Variants in SYNPR observed in about 807,000 individuals in gnomAD.
SYNPR encodes synaptoporin.
SYNPR carries 23 observed loss-of-function variants against 32.9 expected under a neutral mutation model. The observed-to-expected ratio is 0.70, with a 90% CI of 0.50 to 0.99. The LOEUF (loss-of-function observed/expected upper bound fraction) is 0.99, where lower values mean the gene tolerates loss of function less well. Ranked by LOEUF, SYNPR falls within the 50% of genes least tolerant of loss-of-function variation. The pLI is 0.00. For missense variants in SYNPR, 318 were observed against 349.3 expected, an observed-to-expected ratio of 0.91 and a Z score of 0.71; for synonymous variants, 146 against 135.9, an observed-to-expected ratio of 1.07 and a Z score of -0.52.
At chr3:63,443,159 G>A in intron 2 of SYNPR, 1 of 1,181,168 alleles carries the variant, frequency 8.5e-7, no homozygotes, top group Admixed American at 4.0e-5. Context: ...CCACCAAGCA[G>A]GCAGCGTTCA....
intron 2 of SYNPR, among the ~76,000 whole-genome samples, chr3:63,254,813 A>G (rs1455792841): frequency 1.3e-5 from 2 of 152,204 alleles, no homozygotes; most frequent in Non-Finnish European, 2.9e-5. Flanking sequence ...TATAATTTAC[A>G]TATAATTAAG....
intron 2 of SYNPR, among the ~76,000 whole-genome samples, chr3:63,266,600 G>C (rs9868077): frequency 6.6e-6 from 1 of 151,320 alleles, no homozygotes; most frequent in East Asian, 1.9e-4. Context: ...CCAGCTACTC[G>C]GGAAGCTGAG....
At chr3:63,261,770 C>G (rs921356915) in intron 2 of SYNPR, among the ~76,000 whole-genome samples, 1 of 144,346 alleles carries the variant, frequency 6.9e-6, no homozygotes, top group Admixed American at 7.0e-5. Context: ...AGCAAACTAT[C>G]GCAAGGACAA....
intron 2 of SYNPR, among the ~76,000 whole-genome samples, chr3:63,371,393 C>T (rs148238421): frequency 1.2e-3 from 188 of 152,314 alleles, no homozygotes; most frequent in Middle Eastern, 6.8e-3. Context: ...CTCCCTTGCA[C>T]GTCTCCGGGA....
At position 63,467,309 on chromosome 3, in the gene SYNPR, T is replaced by G. The variant is rs546655923; in HGVS notation, c.85-13523T>G. ...CTTTGGTCACCTGCCAGTAGTGTTC[T>G]TAAAGAATGAGCAAGATACAGGATT... On this transcript the variant is annotated intron_variant, in intron 2 of 5. Coordinates refer to ENST00000478300, the MANE Select transcript of SYNPR (RefSeq NM_001130003.2). Among the ~76,000 whole-genome samples the G allele has an allele frequency of 3.3e-5, 5 of 152,348 alleles. No individual in the cohort carries two copies. The East Asian group carries it at 9.6e-4, about 29-fold the overall frequency.
intron 4 of SYNPR, among the ~76,000 whole-genome samples, chr3:63,598,840 C>T (rs1227060669): frequency 6.6e-6 from 1 of 152,154 alleles, no homozygotes; most frequent in Non-Finnish European, 1.5e-5. Context: ...GATAACCTAG[C>T]AGTAAATGTT....
intron 3 of SYNPR, among the ~76,000 whole-genome samples, chr3:63,519,370 A>G (rs1701863027): frequency 6.6e-6 from 1 of 152,204 alleles, no homozygotes; most frequent in Non-Finnish European, 1.5e-5. Flanking sequence ...AATAATAGTG[A>G]CCTTATAGGA....
At chr3:63,242,136 T>A (rs1469161571) in intron 1 of SYNPR, among the ~76,000 whole-genome samples, 1 of 152,086 alleles carries the variant, frequency 6.6e-6, no homozygotes, top group Non-Finnish European at 1.5e-5. Context: ...AAATAAAAGA[T>A]AATGTGAATT....
intron 1 of SYNPR, among the ~76,000 whole-genome samples, chr3:63,251,735 G>A (rs936955148): frequency 1.3e-4 from 19 of 151,932 alleles, no homozygotes; most frequent in African/African-American, 4.6e-4. Context: ...GGACCAGATA[G>A]GACAATACAC....
Position 63,404,350 on chromosome 3 carries a change from A to G in SYNPR, c.85-76482A>G, listed in dbSNP as rs183133388. On this transcript the variant is annotated intron_variant, in intron 2 of 5. Coordinates refer to ENST00000478300, the MANE Select transcript of SYNPR (RefSeq NM_001130003.2). ...AGTGAATAGAATTATAGTGAAATAG[A>G]TTTCTTAACAAAGAACTACAACAAT... 9.2e-5 allele frequency among the ~76,000 whole-genome samples: 14 copies of G among 152,344 alleles called. No individual in the cohort carries two copies. The East Asian group carries it at 1.3e-3, about 15-fold the overall frequency.
chr3:63,531,281 T>C (rs1702108698), intron 3 of SYNPR, among the ~76,000 whole-genome samples: 1 of 152,168 alleles, frequency 6.6e-6, no homozygotes, highest in Admixed American at 6.5e-5. Flanking sequence ...TTCTGAAAGA[T>C]ACAAGTCTGA....
intron 1 of SYNPR, among the ~76,000 whole-genome samples, chr3:63,249,022 A>C (rs2086311638): frequency 6.6e-6 from 1 of 152,142 alleles, no homozygotes; most frequent in South Asian, 2.1e-4. Flanking sequence ...ACTGGGAAGT[A>C]GTTGCCTTAA....
Position 63,338,716 on chromosome 3 carries a change from G to A in SYNPR, c.84+59974G>A, listed in dbSNP as rs192350876. Among the ~76,000 whole-genome samples the A allele has an allele frequency of 2.9e-3, 442 of 152,314 alleles. 1 individual carries two copies. The highest frequency in any genetic ancestry group is 4.5e-3 in the Non-Finnish European group (308 of 68,022). On this transcript the variant is annotated intron_variant, in intron 2 of 5. Coordinates refer to ENST00000478300, the MANE Select transcript of SYNPR (RefSeq NM_001130003.2). The stretch of plus-strand genomic sequence containing the variant: ...GCCTGTCCAAGGACACATAGCTAGT[G>A]ACCCACGATCTGAACACATACTCTA...
At chr3:63,518,082 T>G (rs528376786) in intron 3 of SYNPR, among the ~76,000 whole-genome samples, 1 of 152,186 alleles carries the variant, frequency 6.6e-6, no homozygotes, top group South Asian at 2.1e-4. Flanking sequence ...TTGGGAGATT[T>G]TACAGATTAT....
At chr3:63,303,867 A>G (rs1456353661) in intron 2 of SYNPR, among the ~76,000 whole-genome samples, 1 of 152,026 alleles carries the variant, frequency 6.6e-6, no homozygotes, top group Non-Finnish European at 1.5e-5. Context: ...TTCTTCTCCC[A>G]TAGAGCGGAA....
At chr3:63,406,016 G>C (rs968244914) in intron 2 of SYNPR, among the ~76,000 whole-genome samples, 29 of 152,096 alleles carry the variant, frequency 1.9e-4, no homozygotes, top group African/African-American at 6.8e-4. Context: ...GTCCTGTAGA[G>C]AGGACATCGA....
At chr3:63,492,519 T>G (rs1164877945) in intron 3 of SYNPR, among the ~76,000 whole-genome samples, 1 of 152,252 alleles carries the variant, frequency 6.6e-6, no homozygotes, top group Non-Finnish European at 1.5e-5. Flanking sequence ...GGGCTTGCTC[T>G]GAAGCTTGTT....
At chr3:63,379,610 T>C (rs539442663) in intron 2 of SYNPR, among the ~76,000 whole-genome samples, 4 of 152,292 alleles carry the variant, frequency 2.6e-5, no homozygotes, top group Admixed American at 1.3e-4. Context: ...CTTTGAAGTT[T>C]ACTTTATCTC....
intron 4 of SYNPR, among the ~76,000 whole-genome samples, chr3:63,604,678 A>G (rs1700093220): frequency 6.6e-6 from 1 of 152,112 alleles, no homozygotes; most frequent in South Asian, 2.1e-4. Flanking sequence ...ACTGATTTCT[A>G]TTTTTATTGC....
Sources: gnomAD v4.1 joint callset for allele counts (sites outside exome capture counted in the v4.1 genomes callset) on GRCh38, gnomAD v4.1.1 for gene constraint, MANE v1.5 for transcripts, NCBI Gene and HGNC (gene_info 2026-07-23, HGNC 2026-07-21) for gene names.